Variants in POGZ observed in about 807,000 individuals in gnomAD.
POGZ encodes pogo transposable element derived with ZNF domain, also known as pogo transposable element with ZNF domain.
A neutral mutation model predicts 134.6 loss-of-function variants in POGZ; 17 were observed. That is an observed-to-expected ratio of 0.13 (90% CI 0.09 to 0.19). The LOEUF is 0.19. Ranked by LOEUF, POGZ falls within the 10% of genes least tolerant of loss-of-function variation. The probability of loss-of-function intolerance (pLI) is 1.00; values close to 1 mark genes in which losing one functional copy is unlikely to be tolerated. For synonymous variants in POGZ, 693 were observed against 657.1 expected, an observed-to-expected ratio of 1.05 and a Z score of -0.84; for missense variants, 1,306 against 1,769.7, an observed-to-expected ratio of 0.74 and a Z score of 4.70.
chr1:151,453,599 G>A (rs1181623015), intron 1 of POGZ, among the ~76,000 whole-genome samples: 1 of 152,158 alleles, frequency 6.6e-6, no homozygotes, highest in Non-Finnish European at 1.5e-5. Flanking sequence ...TGGTAACCTA[G>A]GTGGTTTCTC....
rs111818924 is a variant in POGZ at position 151,430,749 on chromosome 1, A to G, written c.376T>C (p.Leu126=). The change falls in exon 4 of 19, where the codon TTG becomes CTG. Residue 126 remains leucine (L), a synonymous_variant. Transcript: ENST00000271715. Reference sequence around the variant, plus strand: ...TTCTGCATGACCTGAACAGGCCTCAATACTGGTTGAGTAACCATTGTGCCC... The same window carrying G: ...TTCTGCATGACCTGAACAGGCCTCAGTACTGGTTGAGTAACCATTGTGCCC... ...GLGTMVTQPV[L]RPVQVMQNAN... The G allele has an allele frequency of 8.1e-6, 13 of 1,606,898 alleles. No homozygotes were observed. The highest frequency in any genetic ancestry group is 2.7e-5 in the African/African-American group (2 of 74,168).
At position 151,419,024 on chromosome 1, in the gene POGZ, C is replaced by CAAAAAAAAAA. The variant is rs71090164; in HGVS notation, c.1678+4363_1678+4372dup. Among the ~76,000 whole-genome samples the CAAAAAAAAAA allele has an allele frequency of 4.2e-4, 22 of 52,104 alleles. 1 individual carries two copies. The highest frequency in any genetic ancestry group is 1.4e-3 in the East Asian group (3 of 2,096). The allele number at this position is 52,104 out of a possible 152,430, so 34.2% of individuals were successfully genotyped here. On this transcript the variant is annotated intron_variant, in intron 10 of 18. Transcript: ENST00000271715. ...TGGGTGAAAGAATGAAGCTCTGTCT[C>CAAAAAAAAAA]AAAAAAAAAAAAAAAAAAAAAAGAA...
intron 10 of POGZ, among the ~76,000 whole-genome samples, chr1:151,417,910 A>G (rs1471780337): frequency 6.6e-6 from 1 of 152,212 alleles, no homozygotes; most frequent in Non-Finnish European, 1.5e-5. Context: ...TGCACAGTTC[A>G]CAATAGGCAA....
chr1:151,439,444 G>C (rs1462699629), intron 3 of POGZ, among the ~76,000 whole-genome samples: 1 of 152,142 alleles, frequency 6.6e-6, no homozygotes, highest in Non-Finnish European at 1.5e-5. Context: ...AACAATGCGG[G>C]GAAAGAGCTA....
At position 151,404,791 on chromosome 1, in the gene POGZ, G is replaced by C; in HGVS notation, c.*11C>G. On this transcript the variant is annotated 3_prime_UTR_variant, in exon 19 of 19. Coordinates refer to ENST00000271715, the MANE Select transcript of POGZ (RefSeq NM_015100.4). ...CCACCCTCACTCCACACCCCCTCAT[G>C]ACCCCAACACTCAAATCTCCATCAG... 1 of 1,571,814 alleles carries C rather than the reference G, an allele frequency of 6.4e-7. No homozygotes were observed. The highest frequency in any genetic ancestry group is 1.2e-5 in the South Asian group (1 of 84,970).
chr1:151,451,122 T>G (rs1179571740), intron 1 of POGZ: 1 of 151,928 alleles, frequency 6.6e-6, no homozygotes, highest in African/African-American at 2.4e-5. Context: ...TTCAGGAGGC[T>G]GAGACAGGAG....
chr1:151,440,221 A>T (rs1321016730), intron 3 of POGZ, among the ~76,000 whole-genome samples: 1 of 151,556 alleles, frequency 6.6e-6, no homozygotes, highest in Non-Finnish European at 1.5e-5. Flanking sequence ...TCTACAATGC[A>T]TATATTATTT....
intron 9 of POGZ, among the ~76,000 whole-genome samples, 157 bp downstream of exon 9, chr1:151,423,792 A>G (rs1034425576): frequency 1.3e-5 from 2 of 152,040 alleles, no homozygotes; most frequent in East Asian, 1.9e-4. Context: ...TATTACCACA[A>G]TATCTCCTTC....
At chr1:151,426,276 T>C (rs1434111281) in intron 7 of POGZ, 1 of 151,882 alleles carries the variant, frequency 6.6e-6, no homozygotes, top group African/African-American at 2.4e-5. Flanking sequence ...AACCTCTGCC[T>C]TCCAGGTTCA....
chr1:151,449,366 A>G (rs1373686930), intron 1 of POGZ, among the ~76,000 whole-genome samples: 1 of 152,128 alleles, frequency 6.6e-6, no homozygotes, highest in Non-Finnish European at 1.5e-5. Context: ...GGTAGTCACA[A>G]TCAGGGTGGG....
chr1:151,441,990 T>C (rs1660608786), intron 2 of POGZ, 91 bp downstream of exon 2: 1 of 924,174 alleles, frequency 1.1e-6, no homozygotes, highest in Non-Finnish European at 1.7e-6. Context: ...CCTGGATTCT[T>C]CAAGTCCTTT....
At chr1:151,430,562 A>C (rs1247035139) in intron 4 of POGZ, 104 bp downstream of exon 4, 1 of 826,510 alleles carries the variant, frequency 1.2e-6, no homozygotes, top group African/African-American at 1.8e-5. Context: ...AAAAGACAAG[A>C]CTTAGAACCA....
At chr1:151,417,183 C>A (rs568829019) in intron 10 of POGZ, among the ~76,000 whole-genome samples, 5 of 151,454 alleles carry the variant, frequency 3.3e-5, no homozygotes, top group African/African-American at 1.2e-4. Context: ...CCTGCCTAAG[C>A]CTCCCGAATA....
rs1356775328 is a variant in POGZ at position 151,459,221 on chromosome 1, C to A, written c.-71G>T. On this transcript the variant is annotated 5_prime_UTR_variant, in exon 1 of 19. Coordinates refer to ENST00000271715, the MANE Select transcript of POGZ (RefSeq NM_015100.4). ...CGTCGCCTTAAAGGGACCTTACACC[C>A]GGCGCCAGAAGGGGGTGGGAGCAGG... is the stretch of plus-strand genomic sequence containing the variant. 1 of 144,554 alleles carries A rather than the reference C, an allele frequency of 6.9e-6. No homozygotes were observed. The highest frequency in any genetic ancestry group is 1.5e-5 in the Non-Finnish European group (1 of 65,502). The allele number at this position is 144,554 out of a possible 1,614,324, so 9.0% of individuals were successfully genotyped here.
intron 12 of POGZ, among the ~76,000 whole-genome samples, chr1:151,409,390 T>A (rs748983757): frequency 1.1e-5 from 1 of 89,810 alleles, no homozygotes; most frequent in Non-Finnish European, 3.6e-5. Flanking sequence ...GCCCCCTTTT[T>A]TTGAGACAGG....
In POGZ at chr1:151,428,329, A is replaced by C; in HGVS notation, c.653T>G (p.Met218Arg). Residue 218 changes from methionine (M) to arginine (R), a missense_variant, in exon 6 of 19, where the codon ATG (methionine) becomes AGG (arginine). By Grantham distance (91) the Met-to-Arg change is moderately conservative. Coordinates refer to ENST00000271715, the MANE Select transcript of POGZ (RefSeq NM_015100.4). ...QMTPVRPGST[M>R]PVRPTTNTFT... ...GGTGTTGGTGGTGGGCCTCACAGGC[A>C]TTGTGGAGCCTGGCCTCACAGGGGT... The C allele has an allele frequency of 2.5e-6, 4 of 1,614,080 alleles. No individual in the cohort carries two copies. Among genetic ancestry groups the C allele is most frequent in the Non-Finnish European group, 3.4e-6 (4 of 1,179,958 alleles).
chr1:151,403,559 TAAAA>T lies in POGZ; in HGVS notation c.*1239_*1242del, dbSNP rs1031329338. 11 of 985,472 alleles carry T rather than the reference TAAAA, an allele frequency of 1.1e-5. No individual in the cohort carries two copies. The highest frequency in any genetic ancestry group is 1.3e-5 in the Non-Finnish European group (11 of 829,732). The allele number at this position is 985,472 out of a possible 1,614,324, so 61.0% of individuals were successfully genotyped here. ...GTTTACAACCATGAGTACATACAAT[TAAAA>T]AAATCCCTCATGCAAATTGTAGAAA... On this transcript the variant is annotated 3_prime_UTR_variant, in exon 19 of 19. Transcript: ENST00000271715.
chr1:151,411,798 G>C, intron 11 of POGZ, 27 bp from the exon 12 acceptor site: 2 of 1,592,130 alleles, frequency 1.3e-6, no homozygotes, highest in Non-Finnish European at 1.7e-6. Context: ...GGAAAATAAG[G>C]CTAAGAATGA....
intron 12 of POGZ, among the ~76,000 whole-genome samples, chr1:151,409,576 A>T (rs1654307982): frequency 6.6e-6 from 1 of 152,270 alleles, no homozygotes; most frequent in East Asian, 1.9e-4. Flanking sequence ...GGTTCAAGTG[A>T]TCTACCTGCC....
Sources: gnomAD v4.1 joint callset for allele counts (sites outside exome capture counted in the v4.1 genomes callset) on GRCh38, gnomAD v4.1.1 for gene constraint, MANE v1.5 for transcripts, NCBI Gene and HGNC (gene_info 2026-07-23, HGNC 2026-07-21) for gene names.